TBC1D5: variants seen among roughly 807,000 people sequenced by gnomAD.
TBC1D5 encodes TBC1 domain family, member 5.
Under a neutral mutation model 100.3 loss-of-function variants are expected in TBC1D5, and 75 were observed. The observed-to-expected ratio is 0.75, with a 90% confidence interval of 0.62 to 0.91. The LOEUF (loss-of-function observed/expected upper bound fraction) is 0.91, where lower values mean the gene tolerates loss of function less well. TBC1D5 is among the 40% of genes least tolerant of loss of function. The pLI is 0.00. For missense variants in TBC1D5, 910 were observed against 942.4 expected, an observed-to-expected ratio of 0.97 and a Z score of 0.45; for synonymous variants, 323 against 325.6, an observed-to-expected ratio of 0.99 and a Z score of 0.09.
chr3:17,659,980 G>A (rs2066486927), intron 1 of TBC1D5, among the ~76,000 whole-genome samples: 2 of 151,696 alleles, frequency 1.3e-5, no homozygotes, highest in South Asian at 4.2e-4. Flanking sequence ...GCCTTCCTTT[G>A]GCGGAGGGAC....
At chr3:17,180,915 CCA>C (rs2068368538) in intron 19 of TBC1D5, among the ~76,000 whole-genome samples, 1 of 126,370 alleles carries the variant, frequency 7.9e-6, no homozygotes, top group African/African-American at 3.1e-5. Context: ...TACATTTACA[CCA>C]AAAAAAAAAA....
At chr3:17,692,432 G>A (rs972222673) in intron 1 of TBC1D5, among the ~76,000 whole-genome samples, 2 of 152,078 alleles carry the variant, frequency 1.3e-5, no homozygotes, top group Admixed American at 6.6e-5. Flanking sequence ...GAGTTGAATA[G>A]AGAAAGAATT....
intron 3 of TBC1D5, among the ~76,000 whole-genome samples, chr3:17,455,554 A>C (rs1456796263): frequency 6.7e-6 from 1 of 149,988 alleles, no homozygotes; most frequent in African/African-American, 2.5e-5. Context: ...GTATATATAT[A>C]TAGGTCTGGT....
At chr3:17,352,606 T>C (rs2090733016) in intron 13 of TBC1D5, among the ~76,000 whole-genome samples, 2 of 145,220 alleles carry the variant, frequency 1.4e-5, no homozygotes, top group South Asian at 2.1e-4. Flanking sequence ...ACTTCAAATA[T>C]TGAACAGAAG....
intron 1 of TBC1D5, among the ~76,000 whole-genome samples, chr3:17,729,699 T>C (rs1442282860): frequency 1.3e-5 from 2 of 151,682 alleles, no homozygotes; most frequent in Non-Finnish European, 2.9e-5. Context: ...AGAGCGAGAC[T>C]GTCTCAAAAA....
intron 13 of TBC1D5, among the ~76,000 whole-genome samples, chr3:17,365,790 C>T (rs1048031937): frequency 6.6e-6 from 1 of 152,160 alleles, no homozygotes; most frequent in African/African-American, 2.4e-5. Context: ...CAATGTGACA[C>T]ATAAAACCTT....
chr3:17,416,909 A>C (rs1193065762), intron 4 of TBC1D5, among the ~76,000 whole-genome samples: 1 of 152,224 alleles, frequency 6.6e-6, no homozygotes, highest in Non-Finnish European at 1.5e-5. Context: ...AATCATATTC[A>C]GTAACAGGCT....
intron 8 of TBC1D5, among the ~76,000 whole-genome samples, chr3:17,401,321 T>A (rs2093640358): frequency 7.6e-5 from 1 of 13,108 alleles, no homozygotes; most frequent in African/African-American, 1.2e-3. Flanking sequence ...TATATGTATG[T>A]GTATAATATA....
At chr3:17,418,885 G>A (rs189905887) in intron 4 of TBC1D5, among the ~76,000 whole-genome samples, 9 of 152,220 alleles carry the variant, frequency 5.9e-5, no homozygotes, top group Non-Finnish European at 7.4e-5. Flanking sequence ...ATGAGATTCC[G>A]CATTCATGGT....
chr3:17,527,320 C>T (rs2096150654), intron 2 of TBC1D5, among the ~76,000 whole-genome samples: 1 of 152,086 alleles, frequency 6.6e-6, no homozygotes, highest in Admixed American at 6.5e-5. Flanking sequence ...GAAGAGCATG[C>T]TGCGAACAGC....
chr3:17,557,955 C>T lies in TBC1D5; in HGVS notation c.-35-49350G>A, dbSNP rs143458518. Among the ~76,000 whole-genome samples the T allele has an allele frequency of 1.1e-4, 17 of 152,198 alleles. No individual in the cohort carries two copies. In the East Asian group the frequency reaches 3.1e-3, roughly 28 times the overall value. On this transcript the variant is annotated intron_variant, in intron 2 of 21. Coordinates refer to ENST00000253692, the Ensembl canonical transcript of TBC1D5. ...ACCCAGCACAATCATGTTATGAACA[C>T]ATTAGAAATTTTCATGATGCAAAAC...
chr3:17,185,294 T>A, intron 18 of TBC1D5, 86 bp from the exon 20 acceptor site: 1 of 1,076,728 alleles, frequency 9.3e-7, no homozygotes, highest in Non-Finnish European at 1.3e-6. Flanking sequence ...TAGACTAGTT[T>A]AAAGAAGCAT....
intron 3 of TBC1D5, among the ~76,000 whole-genome samples, chr3:17,438,527 T>C (rs1167653136): frequency 1.2e-4 from 18 of 152,156 alleles, no homozygotes; most frequent in Non-Finnish European, 2.4e-4. Context: ...GCACTCACTT[T>C]CTCTCCTGCT....
At chr3:17,551,188 C>T (rs1576655538) in intron 2 of TBC1D5, among the ~76,000 whole-genome samples, 1 of 152,094 alleles carries the variant, frequency 6.6e-6, no homozygotes, top group African/African-American at 2.4e-5. Flanking sequence ...GGGTTCCTAT[C>T]ATGCTGATCG....
At chr3:17,401,652 C>T (rs115951769) in intron 8 of TBC1D5, among the ~76,000 whole-genome samples, 3,937 of 152,060 alleles carry the variant, frequency 0.026, 172 homozygotes, top group African/African-American at 0.089. Flanking sequence ...TCGGCACCAG[C>T]GCTGTGGCCC....
chr3:17,332,997 T>C (rs1559652033), intron 13 of TBC1D5: 1 of 152,208 alleles, frequency 6.6e-6, no homozygotes, highest in Non-Finnish European at 1.5e-5. Context: ...AGTTGGGGTG[T>C]TTTAACATGT....
At chr3:17,497,087 GACACACACACACACACACACACACACAC>G (rs71049202) in intron 3 of TBC1D5, among the ~76,000 whole-genome samples, 1 of 128,990 alleles carries the variant, frequency 7.8e-6, no homozygotes, top group Admixed American at 7.8e-5. Flanking sequence ...CTCTCTCTCT[GACACACACACACACACACACACACACAC>G]ACACACACAC....
At chr3:17,259,349 A>G (rs143509170) in intron 15 of TBC1D5, among the ~76,000 whole-genome samples, 5 of 152,280 alleles carry the variant, frequency 3.3e-5, no homozygotes, top group South Asian at 2.1e-4. Flanking sequence ...AAACATATCT[A>G]TTATTTAAAT....
At chr3:17,197,538 A>G (rs1415999003) in intron 18 of TBC1D5, among the ~76,000 whole-genome samples, 1 of 152,054 alleles carries the variant, frequency 6.6e-6, no homozygotes, top group Non-Finnish European at 1.5e-5. Flanking sequence ...CACCAAGCCC[A>G]GCTAATTTTT....
Sources: gnomAD v4.1 joint callset for allele counts (sites outside exome capture counted in the v4.1 genomes callset) on GRCh38, gnomAD v4.1.1 for gene constraint, MANE v1.5 for transcripts, NCBI Gene and HGNC (gene_info 2026-07-23, HGNC 2026-07-21) for gene names.